FAT3: variants seen among roughly 807,000 people sequenced by gnomAD.
FAT3 encodes the protein protocadherin Fat 3.
In FAT3, 95 loss-of-function variants were observed where a neutral mutation model predicts 310.2. That is an observed-to-expected ratio of 0.31 (90% CI 0.26 to 0.36). The LOEUF is 0.36. Among genes scored for constraint, FAT3 ranks in the 10% least tolerant of loss-of-function variants. The pLI is 1.00. For missense variants in FAT3, 5,408 were observed against 5,715.6 expected, an observed-to-expected ratio of 0.95 and a Z score of 1.74; for synonymous variants, 2,314 against 2,192.9, an observed-to-expected ratio of 1.06 and a Z score of -1.54.
intron 3 of FAT3, among the ~76,000 whole-genome samples, chr11:92,592,318 C>CT (rs753531647): frequency 0.76 from 82,497 of 107,930 alleles, 33,338 homozygotes; most frequent in Non-Finnish European, 0.83. Flanking sequence ...TCCTAATTGT[C>CT]TTTTTTTTTT....
chr11:92,288,234 T>G (rs892920397), intron 1 of FAT3, among the ~76,000 whole-genome samples: 1 of 151,984 alleles, frequency 6.6e-6, no homozygotes, highest in African/African-American at 2.4e-5. Flanking sequence ...AAAAAACAAA[T>G]CTAAAGTAGC....
chr11:92,301,301 G>A (rs759459335), intron 1 of FAT3, among the ~76,000 whole-genome samples: 9 of 152,128 alleles, frequency 5.9e-5, no homozygotes, highest in Non-Finnish European at 8.8e-5. Flanking sequence ...GATAGGTGGC[G>A]AAAAAGAAAG....
chr11:92,403,035 C>A (rs917045490), intron 2 of FAT3, among the ~76,000 whole-genome samples: 2 of 152,194 alleles, frequency 1.3e-5, no homozygotes, highest in African/African-American at 4.8e-5. Flanking sequence ...CCTTCACTAA[C>A]AAGATAGCAG....
chr11:92,328,764 C>T (rs1182183781), intron 1 of FAT3, among the ~76,000 whole-genome samples: 3 of 152,198 alleles, frequency 2.0e-5, no homozygotes. Flanking sequence ...ACATCGATTA[C>T]CACCTTTTTG....
chr11:92,608,421 A>G (rs115993186), intron 3 of FAT3, among the ~76,000 whole-genome samples: 1,756 of 152,218 alleles, frequency 0.012, 41 homozygotes, highest in African/African-American at 0.04. Context: ...TCATGCTTTC[A>G]TATTGCAATT....
intron 1 of FAT3, among the ~76,000 whole-genome samples, chr11:92,251,202 G>T (rs1387604813): frequency 2.0e-5 from 3 of 152,168 alleles, no homozygotes; most frequent in Non-Finnish European, 2.9e-5. Context: ...AGTCTGATCA[G>T]TTTCATTGCT....
intron 2 of FAT3, among the ~76,000 whole-genome samples, chr11:92,410,517 T>C (rs1313185448): frequency 6.6e-6 from 1 of 152,174 alleles, no homozygotes; most frequent in African/African-American, 2.4e-5. Flanking sequence ...AATCTGACAA[T>C]GTCTTTGTTG....
At chr11:92,544,648 G>A (rs181568265) in intron 3 of FAT3, among the ~76,000 whole-genome samples, 9 of 152,258 alleles carry the variant, frequency 5.9e-5, no homozygotes, top group African/African-American at 2.2e-4. Flanking sequence ...ACTTTTAACA[G>A]GGTCAGCTGT....
intron 2 of FAT3, among the ~76,000 whole-genome samples, chr11:92,467,217 T>G (rs1351648919): frequency 6.6e-6 from 1 of 152,134 alleles, no homozygotes; most frequent in Non-Finnish European, 1.5e-5. Flanking sequence ...AGTGTTCCTA[T>G]TTCTCCACAT....
intron 3 of FAT3, among the ~76,000 whole-genome samples, chr11:92,557,453 G>T (rs1012850924): frequency 6.6e-6 from 1 of 152,270 alleles, no homozygotes; most frequent in African/African-American, 2.4e-5. Flanking sequence ...AGATTTCGTG[G>T]TGCAGTGGCT....
At chr11:92,518,825 G>A (rs1953586690) in intron 2 of FAT3, among the ~76,000 whole-genome samples, 2 of 151,992 alleles carry the variant, frequency 1.3e-5, no homozygotes, top group South Asian at 4.1e-4. Context: ...GAAATGTTTA[G>A]GGATAAATTT....
At chr11:92,569,682 C>A (rs1955602152) in intron 3 of FAT3, among the ~76,000 whole-genome samples, 1 of 152,122 alleles carries the variant, frequency 6.6e-6, no homozygotes. Context: ...GTTAACTTTG[C>A]TATATATCCC....
At chr11:92,680,131 GTT>G (rs374341598) in intron 3 of FAT3, among the ~76,000 whole-genome samples, 1 of 143,456 alleles carries the variant, frequency 7.0e-6, no homozygotes, top group Admixed American at 7.0e-5. Flanking sequence ...TCTATTTTTG[GTT>G]TTTTTTTTTC....
At chr11:92,703,110 A>G (rs117349397) in intron 4 of FAT3, among the ~76,000 whole-genome samples, 1,979 of 152,340 alleles carry the variant, frequency 0.013, 23 homozygotes, top group Non-Finnish European at 0.021. Flanking sequence ...ACTCATGTGA[A>G]TAATTTTTCT....
intron 4 of FAT3, among the ~76,000 whole-genome samples, chr11:92,704,898 C>G (rs2135928238): frequency 6.6e-6 from 1 of 152,298 alleles, no homozygotes; most frequent in South Asian, 2.1e-4. Flanking sequence ...TTATTAGGGA[C>G]TGCAGCAACT....
chr11:92,716,670 A>C (rs184234945), intron 4 of FAT3, among the ~76,000 whole-genome samples: 1 of 152,264 alleles, frequency 6.6e-6, no homozygotes, highest in East Asian at 1.9e-4. Context: ...TTTTACTTGC[A>C]TGTGTACTTG....
rs193156375 is a variant in FAT3 at position 92,566,102 on chromosome 11, G to A, written c.3607+41154G>A. On this transcript the variant is annotated intron_variant, in intron 3 of 27. Transcript: ENST00000525166. ...GAAAAGAGGAAGTCGAATTGTCCCT[G>A]TTTGCAGATGACATGATTGTGTATC... 6.1e-4 allele frequency among the ~76,000 whole-genome samples: 93 copies of A among 152,256 alleles called. 1 individual carries two copies. The East Asian group carries it at 0.015, about 24-fold the overall frequency.
intron 3 of FAT3, among the ~76,000 whole-genome samples, chr11:92,680,723 A>G (rs1458875414): frequency 1.3e-5 from 2 of 152,222 alleles, no homozygotes; most frequent in South Asian, 2.1e-4. Flanking sequence ...AACACATCTC[A>G]TCTCAATTCA....
Position 92,810,048 on chromosome 11 carries a change from C to T in FAT3, c.9453C>T (p.Thr3151=), listed in dbSNP as rs779982599. ...YENTATKALL[T]RVQAVDPDIG... is the part of the protein sequence containing the mutation. ...ACACAGCCACCAAGGCTCTGTTGACCAGAGTTCAAGCCGTGGACCCCGACA... is the reference window on the plus strand; with the variant it reads ...ACACAGCCACCAAGGCTCTGTTGACTAGAGTTCAAGCCGTGGACCCCGACA... The change falls in exon 13 of 28, where the codon ACC becomes ACT. Residue 3151 remains threonine, a synonymous_variant. Coordinates refer to ENST00000525166, the MANE Select transcript of FAT3 (RefSeq NM_001367949.2). 6.2e-6 allele frequency: 10 copies of T among 1,613,740 alleles called. No homozygotes were observed. Among genetic ancestry groups the T allele is most frequent in the African/African-American group, 1.3e-5 (1 of 74,944 alleles).
Sources: allele counts gnomAD v4.1 joint callset (sites outside exome capture counted in the v4.1 genomes callset), GRCh38; gene constraint gnomAD v4.1.1; transcripts MANE v1.5; gene names NCBI Gene and HGNC (gene_info 2026-07-23, HGNC 2026-07-21).